Variants in DPF3 observed in about 807,000 individuals in gnomAD.
DPF3 encodes the protein double PHD fingers 3, also known as zinc finger protein DPF3.
In DPF3, 18 loss-of-function variants were observed where a neutral mutation model predicts 56.8. The ratio of observed to expected loss-of-function variants is 0.32; its 90% CI spans 0.22 to 0.47. The LOEUF (loss-of-function observed/expected upper bound fraction) is 0.47. DPF3 is among the 20% of genes least tolerant of loss of function. DPF3 has a pLI of 1.00. For synonymous variants in DPF3, 188 were observed against 180.2 expected, an observed-to-expected ratio of 1.04 and a Z score of -0.35; for missense variants, 403 against 488.8, an observed-to-expected ratio of 0.82 and a Z score of 1.65.
intron 3 of DPF3, among the ~76,000 whole-genome samples, chr14:72,750,714 T>C (rs1294366900): frequency 2.1e-5 from 3 of 145,042 alleles, no homozygotes; most frequent in Non-Finnish European, 4.5e-5. Flanking sequence ...AAAGTGGTTG[T>C]GCTGTGTAAA....
intron 1 of DPF3, among the ~76,000 whole-genome samples, chr14:72,773,359 C>G (rs1891619802): frequency 6.6e-6 from 1 of 152,100 alleles, no homozygotes; most frequent in Non-Finnish European, 1.5e-5. Context: ...GTCTCAAACT[C>G]CTGACCTCAG....
chr14:72,671,415 C>T, intron 8 of DPF3: 1 of 1,566,176 alleles, frequency 6.4e-7, no homozygotes, highest in Non-Finnish European at 8.8e-7. Flanking sequence ...TACATTATTA[C>T]AATGCTATTC....
rs906768333 is a variant in DPF3, at chr14:72,693,898, A to T, written c.605-685T>A. On this transcript the variant is annotated intron_variant, in intron 6 of 10. Transcript: ENST00000556509. ...ATTTTGTGCCAGAAACACATGCTGC[A>T]CTTCTACCATGAACGCCATGGAGTT... Among the ~76,000 whole-genome samples, 17 of 152,226 alleles carry T rather than the reference A, an allele frequency of 1.1e-4. 1 individual carries two copies. The highest frequency in any genetic ancestry group is 1.1e-3 in the Admixed American group (17 of 15,284).
At chr14:72,848,102 G>A (rs926572743) in intron 1 of DPF3, among the ~76,000 whole-genome samples, 3 of 152,142 alleles carry the variant, frequency 2.0e-5, no homozygotes, top group Non-Finnish European at 4.4e-5. Context: ...TGGTGTGCTC[G>A]CCAAACGACT....
At chr14:72,835,964 T>C (rs1298914032) in intron 1 of DPF3, 3 of 833,662 alleles carry the variant, frequency 3.6e-6, no homozygotes, top group Non-Finnish European at 4.3e-6. Flanking sequence ...CTGTGCGTTG[T>C]GTTCAAGATA....
At chr14:72,713,036 A>G (rs568883344) in intron 6 of DPF3, among the ~76,000 whole-genome samples, 1 of 152,364 alleles carries the variant, frequency 6.6e-6, no homozygotes, top group Non-Finnish European at 1.5e-5. Context: ...GCTTACAGCC[A>G]GTCTCTCAAG....
At chr14:72,646,052 A>G (rs143051050) in intron 8 of DPF3, among the ~76,000 whole-genome samples, 100 of 152,256 alleles carry the variant, frequency 6.6e-4, no homozygotes, top group African/African-American at 2.4e-3. Context: ...GTATTTTGAG[A>G]TGCACTTCTC....
intron 1 of DPF3, among the ~76,000 whole-genome samples, chr14:72,795,493 A>G (rs1407013712): frequency 1.3e-5 from 2 of 152,076 alleles, no homozygotes; most frequent in African/African-American, 4.8e-5. Context: ...AACAAAATGC[A>G]CGCAGAATCT....
chr14:72,798,664 C>A (rs998832652), intron 1 of DPF3, among the ~76,000 whole-genome samples: 2 of 152,216 alleles, frequency 1.3e-5, no homozygotes, highest in African/African-American at 4.8e-5. Flanking sequence ...GCAGCCAGAT[C>A]CCTTTCCCTT....
intron 1 of DPF3, among the ~76,000 whole-genome samples, chr14:72,883,728 G>A (rs997356127): frequency 1.3e-5 from 2 of 152,112 alleles, no homozygotes; most frequent in Non-Finnish European, 2.9e-5. Flanking sequence ...AGGAGATCGA[G>A]ACCAGCCTGG....
chr14:72,797,067 C>T (rs1469492688), intron 1 of DPF3, among the ~76,000 whole-genome samples: 1 of 152,188 alleles, frequency 6.6e-6, no homozygotes, highest in East Asian at 1.9e-4. Context: ...CTTTGGCCAA[C>T]AGAATACAGT....
chr14:72,779,796 A>T (rs1451183450), intron 1 of DPF3, among the ~76,000 whole-genome samples: 1 of 152,254 alleles, frequency 6.6e-6, no homozygotes, highest in Non-Finnish European at 1.5e-5. Flanking sequence ...CTGCCTGAGC[A>T]GGCTGATACC....
chr14:72,761,160 G>T (rs2139921096), intron 2 of DPF3, among the ~76,000 whole-genome samples: 1 of 152,116 alleles, frequency 6.6e-6, no homozygotes, highest in African/African-American at 2.4e-5. Flanking sequence ...ACCTCTCAAT[G>T]ATTCATAGAA....
rs951251450 is a variant in DPF3 at position 72,613,837 on chromosome 14, C to T, written c.*5460G>A. 4.3e-4 allele frequency among the ~76,000 whole-genome samples: 66 copies of T among 152,334 alleles called. No individual in the cohort carries two copies. Among genetic ancestry groups the T allele is most frequent in the African/African-American group, 1.5e-3 (63 of 41,580 alleles). On this transcript the variant is annotated 3_prime_UTR_variant, in exon 11 of 11. Transcript: ENST00000556509. ...CTGCGCACATGGAGGGGGCGCCCGC[C>T]GCACAGCCAGGCCTCCCCGGGGACA...
chr14:72,730,648 A>G (rs989855201), intron 4 of DPF3, among the ~76,000 whole-genome samples: 4 of 151,780 alleles, frequency 2.6e-5, no homozygotes, highest in East Asian at 1.9e-4. Flanking sequence ...ATAAATTAAT[A>G]TATAAATTAA....
At chr14:72,855,466 G>A (rs1885138762) in intron 1 of DPF3, among the ~76,000 whole-genome samples, 1 of 152,220 alleles carries the variant, frequency 6.6e-6, no homozygotes, top group South Asian at 2.1e-4. Flanking sequence ...AGCATGGTCT[G>A]TAGAAGAAGC....
intron 8 of DPF3, chr14:72,669,868 GGGAAAAA>G: frequency 4.1e-6 from 4 of 984,180 alleles, no homozygotes; most frequent in Non-Finnish European, 4.8e-6. Context: ...AGCAAGCTGG[GGGAAAAA>G]GGAAAAAGAA....
chr14:72,893,353 G>T (rs1404220812), intron 1 of DPF3, among the ~76,000 whole-genome samples: 1 of 152,126 alleles, frequency 6.6e-6, no homozygotes, highest in Non-Finnish European at 1.5e-5. Context: ...CAGCTCGCTC[G>T]CAAATACACG....
intron 4 of DPF3, among the ~76,000 whole-genome samples, chr14:72,729,142 G>A (rs1279208819): frequency 1.3e-5 from 2 of 152,154 alleles, no homozygotes; most frequent in East Asian, 3.8e-4. Context: ...CAGCTACTCA[G>A]GAGGCTGAGA....
Sources: allele counts gnomAD v4.1 joint callset (sites outside exome capture counted in the v4.1 genomes callset), GRCh38; gene constraint gnomAD v4.1.1; transcripts MANE v1.5; gene names NCBI Gene and HGNC (gene_info 2026-07-23, HGNC 2026-07-21).